The following BLTP3B variants were observed in gnomAD, a reference collection of about 807,000 sequenced individuals.
BLTP3B encodes bridge-like lipid transfer protein family member 3B.
the BLTP3B span, among the ~76,000 whole-genome samples, chr12:100,092,199 C>T: frequency 6.6e-6 from 1 of 152,148 alleles, no homozygotes. Flanking sequence ...TAGAAAACAA[C>T]TGCCTAGTTG....
the BLTP3B span, among the ~76,000 whole-genome samples, chr12:100,112,890 G>GCTAGGCA: frequency 6.7e-6 from 1 of 149,738 alleles, no homozygotes; most frequent in Admixed American, 6.7e-5. Flanking sequence ...ATCTCAGCTT[G>GCTAGGCA]CTAGGCACAG....
the BLTP3B span, among the ~76,000 whole-genome samples, chr12:100,100,727 A>ATTT: frequency 6.9e-6 from 1 of 144,860 alleles, no homozygotes; most frequent in Non-Finnish European, 1.5e-5. Flanking sequence ...TTCACATTCT[A>ATTT]TTTTTTTTTT....
At chr12:100,048,759 A>AGAGT in the BLTP3B span, among the ~76,000 whole-genome samples, 1 of 131,578 alleles carries the variant, frequency 7.6e-6, no homozygotes, top group African/African-American at 3.1e-5. Context: ...AGAGAGAGAG[A>AGAGT]GAGTGAGAGT....
the BLTP3B span, among the ~76,000 whole-genome samples, chr12:100,042,092 C>T: frequency 6.6e-6 from 1 of 152,022 alleles, no homozygotes; most frequent in Non-Finnish European, 1.5e-5. Flanking sequence ...TATAAAACAT[C>T]GTTGAAAGAA....
the BLTP3B span, chr12:100,082,955 A>C: frequency 1.7e-6 from 2 of 1,189,256 alleles, no homozygotes; most frequent in Non-Finnish European, 2.5e-6. Flanking sequence ...TTGTTATTTA[A>C]GTTGCTTAGA....
the BLTP3B span, among the ~76,000 whole-genome samples, chr12:100,073,892 G>A: frequency 6.6e-6 from 1 of 152,210 alleles, no homozygotes; most frequent in East Asian, 1.9e-4. Flanking sequence ...AGTAATCTAT[G>A]ACAAACTCAC....
At chr12:100,128,980 TA>T in the BLTP3B span, among the ~76,000 whole-genome samples, 3 of 152,190 alleles carry the variant, frequency 2.0e-5, no homozygotes, top group Non-Finnish European at 1.5e-5. Flanking sequence ...AATTTTATAT[TA>T]AACTGTCAAT....
At chr12:100,084,769 T>C in the BLTP3B span, 4 of 1,154,222 alleles carry the variant, frequency 3.5e-6, no homozygotes, top group Non-Finnish European at 4.8e-6. Flanking sequence ...GACTTTGATA[T>C]CTGAAAAATT....
chr12:100,116,255 T>C, the BLTP3B span, among the ~76,000 whole-genome samples: 3 of 151,106 alleles, frequency 2.0e-5, no homozygotes. Context: ...CGTGGGAGGA[T>C]GGCTTGAGCC....
At chr12:100,038,007 T>C in the BLTP3B span, among the ~76,000 whole-genome samples, 1 of 152,324 alleles carries the variant, frequency 6.6e-6, no homozygotes, top group East Asian at 1.9e-4. Context: ...AGTGACTTCA[T>C]TTCATATGAA....
chr12:100,115,142 A>T, the BLTP3B span, among the ~76,000 whole-genome samples: 1 of 152,226 alleles, frequency 6.6e-6, no homozygotes, highest in Non-Finnish European at 1.5e-5. Context: ...GCAGTAGCTC[A>T]CGCCTGTAAT....
the BLTP3B span, chr12:100,047,504 A>G: frequency 6.5e-7 from 1 of 1,546,860 alleles, no homozygotes; most frequent in Non-Finnish European, 8.9e-7. Flanking sequence ...CATCTCATAA[A>G]TAAACAAATA....
the BLTP3B span, chr12:100,070,264 G>C: frequency 1.5e-6 from 2 of 1,371,550 alleles, no homozygotes; most frequent in Non-Finnish European, 9.5e-7. Context: ...TTAAATGCCA[G>C]AAGGTTTTTT....
the BLTP3B span, among the ~76,000 whole-genome samples, chr12:100,069,477 T>C: frequency 6.6e-6 from 1 of 152,076 alleles, no homozygotes; most frequent in African/African-American, 2.4e-5. Context: ...TATATGTATA[T>C]ACATACATGT....
the BLTP3B span, among the ~76,000 whole-genome samples, chr12:100,061,414 T>G: frequency 1.3e-5 from 2 of 152,014 alleles, no homozygotes; most frequent in Non-Finnish European, 2.9e-5. Context: ...TCCCAGCACT[T>G]TGGGAGGCCG....
At chr12:100,095,587 GA>G in the BLTP3B span, 1 of 1,512,444 alleles carries the variant, frequency 6.6e-7, no homozygotes, top group African/African-American at 1.4e-5. Flanking sequence ...GTCTCTTAAA[GA>G]AAATACCAAC....
chr12:100,086,403 A>G, the BLTP3B span: 24 of 1,310,580 alleles, frequency 1.8e-5, no homozygotes, highest in Admixed American at 4.9e-4. Flanking sequence ...GTCAATTATC[A>G]GAAAGATTTA....
At chr12:100,109,721 G>A in the BLTP3B span, among the ~76,000 whole-genome samples, 22 of 150,370 alleles carry the variant, frequency 1.5e-4, no homozygotes, top group South Asian at 1.0e-3. Context: ...AGCTGAGATT[G>A]TGCCACTGCA....
the BLTP3B span, among the ~76,000 whole-genome samples, chr12:100,097,070 A>C: frequency 6.6e-6 from 1 of 152,144 alleles, no homozygotes; most frequent in African/African-American, 2.4e-5. Context: ...ATATAGTGAG[A>C]TCTCATCTCA....
Sources: allele counts gnomAD v4.1 joint callset (sites outside exome capture counted in the v4.1 genomes callset), GRCh38; gene constraint gnomAD v4.1.1; transcripts MANE v1.5; gene names NCBI Gene and HGNC (gene_info 2026-07-23, HGNC 2026-07-21).